Variants in MALRD1 observed in about 807,000 individuals in gnomAD.
The protein encoded by MALRD1 is MAM and LDL receptor class A domain containing 1.
In MALRD1, 247 loss-of-function variants were observed where a neutral mutation model predicts 242.1. The observed-to-expected ratio is 1.02, with a 90% CI of 0.92 to 1.13. MALRD1 has a LOEUF of 1.13. Ranked by LOEUF, MALRD1 falls within the 50% of genes most tolerant of loss-of-function variation. The probability of loss-of-function intolerance (pLI) is 0.00; values close to 1 mark genes in which losing one functional copy is unlikely to be tolerated. For missense variants in MALRD1, 2,989 were observed against 2,533.1 expected (o/e 1.18, Z -3.86); for synonymous variants, 995 against 866.6 (o/e 1.15, Z -2.60).
intron 19 of MALRD1, among the ~76,000 whole-genome samples, chr10:19,271,944 A>G (rs1840268989): frequency 6.6e-6 from 1 of 152,170 alleles, no homozygotes. Context: ...CAAGAAAAAC[A>G]CTGGAGGCTT....
At chr10:19,082,783 G>T (rs1291507112) in intron 2 of MALRD1, among the ~76,000 whole-genome samples, 1 of 151,922 alleles carries the variant, frequency 6.6e-6, no homozygotes, top group African/African-American at 2.4e-5. Flanking sequence ...TGTTTTGTTT[G>T]TTGTTAATTT....
At chr10:19,627,902 A>G (rs1564496723) in intron 36 of MALRD1, among the ~76,000 whole-genome samples, 1 of 152,180 alleles carries the variant, frequency 6.6e-6, no homozygotes, top group Non-Finnish European at 1.5e-5. Flanking sequence ...GATAAACTAG[A>G]CACACATTAT....
intron 33 of MALRD1, among the ~76,000 whole-genome samples, chr10:19,575,356 T>G (rs983431713): frequency 2.6e-5 from 4 of 152,110 alleles, no homozygotes; most frequent in African/African-American, 9.7e-5. Flanking sequence ...CTGAAGGTGA[T>G]ATTAAAAATA....
intron 21 of MALRD1, among the ~76,000 whole-genome samples, chr10:19,301,289 G>A (rs1841941404): frequency 6.6e-6 from 1 of 151,934 alleles, no homozygotes; most frequent in South Asian, 2.1e-4. Flanking sequence ...AGCTGTTGTG[G>A]AAAGCAGTGT....
chr10:19,699,704 C>T (rs1382732504), intron 38 of MALRD1, among the ~76,000 whole-genome samples: 1 of 152,108 alleles, frequency 6.6e-6, no homozygotes, highest in African/African-American at 2.4e-5. Flanking sequence ...GAGGCTTTTA[C>T]TCATGGCAGA....
intron 28 of MALRD1, among the ~76,000 whole-genome samples, chr10:19,445,040 C>T (rs1834889706): frequency 6.6e-6 from 1 of 152,148 alleles, no homozygotes; most frequent in Admixed American, 6.5e-5. Flanking sequence ...TGTTTTCTTG[C>T]TTCATTGCAT....
chr10:19,542,998 T>C (rs1835042532), intron 32 of MALRD1, among the ~76,000 whole-genome samples: 1 of 152,174 alleles, frequency 6.6e-6, no homozygotes, highest in African/African-American at 2.4e-5. Context: ...TATTTGTTAA[T>C]AATATGGATG....
chr10:19,676,979 C>T (rs1250367662), intron 36 of MALRD1, among the ~76,000 whole-genome samples: 1 of 152,176 alleles, frequency 6.6e-6, no homozygotes, highest in East Asian at 1.9e-4. Flanking sequence ...ATCCATGTCC[C>T]TGCCAAGAAC....
chr10:19,669,994 T>G lies in MALRD1; in HGVS notation c.6138-22288T>G, dbSNP rs183716716. 6.6e-5 allele frequency among the ~76,000 whole-genome samples: 10 copies of G among 152,152 alleles called. No individual in the cohort carries two copies. The East Asian group carries it at 1.9e-3, about 29-fold the overall frequency. On this transcript the variant is annotated intron_variant, in intron 36 of 39. Coordinates refer to ENST00000454679, the MANE Select transcript of MALRD1 (RefSeq NM_001142308.3). Reference sequence around the variant, plus strand: ...CGTCATCAGAGCTCAAGACTTCTAGTGCAACTTGAATTTTTGAACAATATG... The same window carrying G: ...CGTCATCAGAGCTCAAGACTTCTAGGGCAACTTGAATTTTTGAACAATATG...
intron 1 of MALRD1, among the ~76,000 whole-genome samples, chr10:19,060,137 C>T (rs2131223036): frequency 6.6e-6 from 1 of 152,238 alleles, no homozygotes; most frequent in African/African-American, 2.4e-5. Context: ...AGCATAGTGT[C>T]TGGGCTCTCT....
chr10:19,572,586 A>G (rs967112089), intron 33 of MALRD1, among the ~76,000 whole-genome samples: 1 of 152,186 alleles, frequency 6.6e-6, no homozygotes, highest in African/African-American at 2.4e-5. Flanking sequence ...TATACTGGGT[A>G]GAATAGTATC....
chr10:19,254,252 C>T (rs1839414273), intron 18 of MALRD1, among the ~76,000 whole-genome samples: 1 of 151,906 alleles, frequency 6.6e-6, no homozygotes, highest in African/African-American at 2.4e-5. Context: ...CACTTTAATG[C>T]TTTTGAGGTT....
intron 31 of MALRD1, among the ~76,000 whole-genome samples, chr10:19,515,192 G>C (rs1415171461): frequency 6.6e-6 from 1 of 151,990 alleles, no homozygotes; most frequent in Non-Finnish European, 1.5e-5. Flanking sequence ...GATTTAGAAT[G>C]GTTTTTCTAA....
intron 18 of MALRD1, among the ~76,000 whole-genome samples, chr10:19,252,346 G>A (rs1839329785): frequency 6.6e-6 from 1 of 152,042 alleles, no homozygotes; most frequent in African/African-American, 2.4e-5. Context: ...TATCGTAAAT[G>A]GTGAGATAGT....
intron 21 of MALRD1, among the ~76,000 whole-genome samples, chr10:19,304,850 T>C (rs1318540097): frequency 2.0e-5 from 3 of 151,852 alleles, no homozygotes; most frequent in Non-Finnish European, 2.9e-5. Flanking sequence ...CAAATCACAA[T>C]GCCTGTTTTG....
intron 38 of MALRD1, among the ~76,000 whole-genome samples, chr10:19,716,194 T>C (rs1170516759): frequency 6.6e-6 from 1 of 152,230 alleles, no homozygotes; most frequent in Admixed American, 6.5e-5. Context: ...CAGATACGTA[T>C]TTTTTAAAAG....
chr10:19,468,059 G>A (rs1836309606), intron 29 of MALRD1, among the ~76,000 whole-genome samples: 1 of 151,984 alleles, frequency 6.6e-6, no homozygotes, highest in Admixed American at 6.6e-5. Flanking sequence ...CTCCCAAAGT[G>A]CTGGGATTAC....
At chr10:19,522,160 A>C (rs1833910786) in intron 31 of MALRD1, among the ~76,000 whole-genome samples, 1 of 152,126 alleles carries the variant, frequency 6.6e-6, no homozygotes, top group Admixed American at 6.5e-5. Context: ...GTTTAGCATC[A>C]AGGACTGTCT....
intron 28 of MALRD1, among the ~76,000 whole-genome samples, chr10:19,411,114 G>C (rs985004164): frequency 2.6e-5 from 4 of 152,174 alleles, no homozygotes; most frequent in African/African-American, 9.7e-5. Context: ...AGCAGTAAGT[G>C]AAAGAGTGGT....
Sources: allele counts gnomAD v4.1 joint callset (sites outside exome capture counted in the v4.1 genomes callset), GRCh38; gene constraint gnomAD v4.1.1; transcripts MANE v1.5; gene names NCBI Gene and HGNC (gene_info 2026-07-23, HGNC 2026-07-21).